Variants in GPC6 observed in about 807,000 individuals in gnomAD.
GPC6 encodes the protein glypican-6.
GPC6 carries 14 observed loss-of-function variants against 55.2 expected under a neutral mutation model. The ratio of observed to expected loss-of-function variants is 0.25; its 90% confidence interval spans 0.17 to 0.40. The LOEUF is 0.40. GPC6 is among the 10% of genes least tolerant of loss of function. GPC6 has a pLI of 1.00. For missense variants in GPC6, 641 were observed against 708.5 expected (o/e 0.90, Z 1.08); for synonymous variants, 278 against 259.6 (o/e 1.07, Z -0.68).
At chr13:93,761,607 C>G (rs1267791246) in intron 2 of GPC6, among the ~76,000 whole-genome samples, 1 of 152,008 alleles carries the variant, frequency 6.6e-6, no homozygotes, top group Non-Finnish European at 1.5e-5. Context: ...ACCTAGAGCT[C>G]CTAGACTCAA....
intron 2 of GPC6, among the ~76,000 whole-genome samples, chr13:93,663,132 G>T (rs921666713): frequency 3.3e-5 from 5 of 150,680 alleles, no homozygotes; most frequent in African/African-American, 1.2e-4. Flanking sequence ...TTTTTAAGGA[G>T]TTCAGAGACT....
chr13:93,383,513 A>G (rs1875272945), intron 1 of GPC6, among the ~76,000 whole-genome samples: 1 of 152,164 alleles, frequency 6.6e-6, no homozygotes, highest in South Asian at 2.1e-4. Context: ...CATTGTGCCC[A>G]GCTGAAATCT....
intron 1 of GPC6, among the ~76,000 whole-genome samples, chr13:93,479,292 A>G (rs1180198654): frequency 6.6e-6 from 1 of 152,176 alleles, no homozygotes; most frequent in Non-Finnish European, 1.5e-5. Flanking sequence ...CGATTTGACA[A>G]TTGTACAAGT....
intron 1 of GPC6, among the ~76,000 whole-genome samples, chr13:93,374,650 A>C (rs914592840): frequency 2.4e-4 from 37 of 152,234 alleles, no homozygotes; most frequent in South Asian, 8.3e-4. Flanking sequence ...TATGTCTTTC[A>C]AAGTCCTTCT....
At chr13:94,186,837 C>T (rs1187113080) in intron 4 of GPC6, 1 of 152,234 alleles carries the variant, frequency 6.6e-6, no homozygotes, top group East Asian at 1.9e-4. Flanking sequence ...TGCATACACT[C>T]AAATAGCAGG....
rs1885226113 is a variant in GPC6 at position 94,084,914 on chromosome 13, G to A, written c.877+57020G>A. ...TCATGGCAGGATTATAGGCAGTGAG[G>A]AGAATGGTTTGGCCCAGGTGAAGTG... On this transcript the variant is annotated intron_variant, in intron 4 of 8. Coordinates refer to ENST00000377047, the MANE Select transcript of GPC6 (RefSeq NM_005708.5). Among the ~76,000 whole-genome samples the A allele has an allele frequency of 1.3e-5, 2 of 152,166 alleles. 1 individual carries two copies. The highest frequency in any genetic ancestry group is 2.9e-5 in the Non-Finnish European group (2 of 68,028).
intron 6 of GPC6, among the ~76,000 whole-genome samples, chr13:94,330,515 A>T (rs976518083): frequency 6.6e-6 from 1 of 152,166 alleles, no homozygotes; most frequent in African/African-American, 2.4e-5. Context: ...GTTGCTAGCC[A>T]CTTCCCCAAG....
intron 6 of GPC6, among the ~76,000 whole-genome samples, chr13:94,319,225 G>GTAGTTTT (rs1876697680): frequency 6.6e-6 from 1 of 151,930 alleles, no homozygotes; most frequent in South Asian, 2.1e-4. Context: ...ACCTAATACT[G>GTAGTTTT]TAGTTTTTAT....
chr13:93,568,303 G>A (rs922217406), intron 2 of GPC6, among the ~76,000 whole-genome samples: 5 of 152,218 alleles, frequency 3.3e-5, no homozygotes, highest in African/African-American at 7.2e-5. Context: ...GAAAGATAAC[G>A]AGTATATCTC....
chr13:93,762,588 G>A (rs1884988819), intron 2 of GPC6, among the ~76,000 whole-genome samples: 1 of 152,212 alleles, frequency 6.6e-6, no homozygotes, highest in East Asian at 1.9e-4. Context: ...ATGCAGTAGA[G>A]TGGGATTTAT....
At chr13:94,241,353 G>C (rs1308947268) in intron 4 of GPC6, among the ~76,000 whole-genome samples, 1 of 152,110 alleles carries the variant, frequency 6.6e-6, no homozygotes, top group Non-Finnish European at 1.5e-5. Context: ...CTGATTGTCG[G>C]CTTTTTTTGG....
intron 2 of GPC6, among the ~76,000 whole-genome samples, chr13:93,614,077 G>A (rs1315596367): frequency 6.6e-6 from 1 of 152,110 alleles, no homozygotes; most frequent in Non-Finnish European, 1.5e-5. Flanking sequence ...GTTCAAGGAG[G>A]AATAGACTTT....
intron 2 of GPC6, among the ~76,000 whole-genome samples, chr13:93,716,799 C>T (rs2138816633): frequency 6.6e-6 from 1 of 151,742 alleles, no homozygotes; most frequent in African/African-American, 2.4e-5. Context: ...ACCTCAATCA[C>T]TGACTCACCA....
intron 6 of GPC6, among the ~76,000 whole-genome samples, chr13:94,355,777 TTTTTAACTTAA>T (rs1878765326): frequency 6.6e-6 from 1 of 152,216 alleles, no homozygotes; most frequent in African/African-American, 2.4e-5. Flanking sequence ...TATAATTCTT[TTTTTAACTTAA>T]TTTTAAGTTC....
At chr13:93,321,030 T>A (rs1879419475) in intron 1 of GPC6, among the ~76,000 whole-genome samples, 1 of 152,152 alleles carries the variant, frequency 6.6e-6, no homozygotes, top group African/African-American at 2.4e-5. Context: ...TGCTTGATTG[T>A]TAATTTCCAG....
chr13:93,929,881 A>G (rs1004602232), intron 3 of GPC6, among the ~76,000 whole-genome samples: 2 of 152,056 alleles, frequency 1.3e-5, no homozygotes, highest in African/African-American at 4.8e-5. Flanking sequence ...GAGAAGAGAA[A>G]AGAAAATAAC....
chr13:93,234,927 C>T (rs1010692229), intron 1 of GPC6, among the ~76,000 whole-genome samples: 1 of 152,122 alleles, frequency 6.6e-6, no homozygotes, highest in Admixed American at 6.5e-5. Context: ...GAATTGCTAA[C>T]TCTCAAAAGT....
intron 2 of GPC6, among the ~76,000 whole-genome samples, chr13:93,748,570 G>A (rs1242239347): frequency 5.3e-5 from 8 of 151,852 alleles, no homozygotes; most frequent in African/African-American, 1.9e-4. Flanking sequence ...TGCCGTTTAT[G>A]GCTTCATATG....
intron 6 of GPC6, among the ~76,000 whole-genome samples, chr13:94,357,569 C>G (rs949728060): frequency 6.6e-6 from 1 of 152,216 alleles, no homozygotes; most frequent in African/African-American, 2.4e-5. Flanking sequence ...GCCTCCCTCG[C>G]TCCTTGAACC....
Sources: allele counts gnomAD v4.1 joint callset (sites outside exome capture counted in the v4.1 genomes callset), GRCh38; gene constraint gnomAD v4.1.1; transcripts MANE v1.5; gene names NCBI Gene and HGNC (gene_info 2026-07-23, HGNC 2026-07-21).